Variants in RFPL2 observed in about 807,000 individuals in gnomAD.
RFPL2 encodes ret finger protein-like 2.
A neutral mutation model predicts 17.8 loss-of-function variants in RFPL2; 13 were observed. The observed-to-expected ratio is 0.73, with a 90% confidence interval of 0.47 to 1.16. The LOEUF is 1.16. Ranked by LOEUF, RFPL2 falls within the 50% of genes most tolerant of loss-of-function variation. RFPL2 has a pLI of 0.00. For missense variants in RFPL2, 431 were observed against 479.3 expected (o/e 0.90, Z 0.94); for synonymous variants, 189 against 180.9 (o/e 1.04, Z -0.36).
At chr22:32,203,232 G>T in intron 1 of RFPL2, 1 of 330,230 alleles carries the variant, frequency 3.0e-6, no homozygotes, top group Non-Finnish European at 4.3e-6. Flanking sequence ...AACCCGCTCT[G>T]TGCTGTGGGC....
rs1187143789 is a variant in RFPL2, at chr22:32,190,838, C to T, written c.1071G>A (p.Leu357=). The change falls in exon 5 of 5, where the codon TTG becomes TTA. Residue 357 remains leucine, a synonymous_variant. Transcript: ENST00000652607. ...CTGAGTTCATCAAAGGACAGATGCT[C>T]AAGACACCTTGATCACCATTAGGTG... ...SVPPNGDQGV[L]SICPLMNSGT... The T allele has an allele frequency of 6.4e-7, 1 of 1,568,994 alleles. No homozygotes were observed. Among genetic ancestry groups the T allele is most frequent in the African/African-American group, 1.4e-5 (1 of 72,276 alleles).
chr22:32,202,534 G>A lies in RFPL2; in HGVS notation c.-83C>T. 6.5e-7 allele frequency: 1 copy of A among 1,535,568 alleles called. No homozygotes were observed. The highest frequency in any genetic ancestry group is 8.8e-7 in the Non-Finnish European group (1 of 1,141,620). On this transcript the variant is annotated 5_prime_UTR_variant, in exon 2 of 5. Transcript: ENST00000652607. ...TCTCAGGGCACTGGGCATCCGGGCA[G>A]ACAAAGCCAGAAAAGCCTAGAACAG... is the stretch of plus-strand genomic sequence containing the variant.
At position 32,190,901 on chromosome 22, in the gene RFPL2, A is replaced by G; in HGVS notation, c.1008T>C (p.Ala336=). The part of the protein sequence containing the change: ...SHVYTFRSVS[A]EEPLRPFLAP... ...CCAAAAATGGGCGCAATGGCTCCTC[A>G]GCAGATACGCTCCTGAATGTATAGA... is the stretch of plus-strand genomic sequence containing the variant. The change falls in exon 5 of 5, where the codon GCT becomes GCC. Residue 336 remains alanine (A), a synonymous_variant. Transcript: ENST00000652607. The G allele has an allele frequency of 6.3e-7, 1 of 1,599,782 alleles. No homozygotes were observed. Among genetic ancestry groups the G allele is most frequent in the Middle Eastern group, 1.7e-4 (1 of 5,990 alleles).
intron 4 of RFPL2, among the ~76,000 whole-genome samples, chr22:32,192,137 ACAGT>A (rs1922724224): frequency 6.6e-6 from 1 of 152,172 alleles, no homozygotes; most frequent in African/African-American, 2.4e-5. Context: ...CAGCAGAGAG[ACAGT>A]CAGTTTTGGG....
intron 2 of RFPL2, among the ~76,000 whole-genome samples, chr22:32,201,550 G>T (rs1048543854): frequency 1.3e-5 from 2 of 152,180 alleles, no homozygotes; most frequent in Non-Finnish European, 2.9e-5. Context: ...AGGACATGGC[G>T]ATTCTCTCAG....
chr22:32,191,900 T>C (rs1469514192), intron 4 of RFPL2, among the ~76,000 whole-genome samples: 1 of 145,146 alleles, frequency 6.9e-6, no homozygotes, highest in Non-Finnish European at 1.5e-5. Context: ...TAGAGAAAAT[T>C]AATTGTCCAG....
At position 32,190,815 on chromosome 22, in the gene RFPL2, G is replaced by A. The variant is rs1322292236; in HGVS notation, c.1094C>T (p.Ser365Leu). ...GVLSICPLMN[S>L]GTTDAPVRPG... ...ACGGACTGGAGCATCAGTAGTGCCT[G>A]AGTTCATCAAAGGACAGATGCTCAA... Residue 365 changes from serine to leucine, a missense_variant, in exon 5 of 5, where the codon TCA becomes TTA. By Grantham distance (145) the Ser-to-Leu change is moderately radical (BLOSUM62 -2). Transcript: ENST00000652607. The A allele has an allele frequency of 1.3e-6, 2 of 1,547,536 alleles. No individual in the cohort carries two copies. Among genetic ancestry groups the A allele is most frequent in the Non-Finnish European group, 1.7e-6 (2 of 1,145,902 alleles).
At chr22:32,192,843 C>T in intron 4 of RFPL2, 59 bp downstream of exon 4, 1 of 1,541,524 alleles carries the variant, frequency 6.5e-7, no homozygotes, top group Non-Finnish European at 8.7e-7. Context: ...GGGCCAACTG[C>T]ACAAATGATT....
chr22:32,200,239 C>A, intron 2 of RFPL2: 1 of 298,662 alleles, frequency 3.3e-6, no homozygotes, highest in South Asian at 3.2e-5. Flanking sequence ...TCTTAGGCCC[C>A]TGACCCTCGC....
intron 1 of RFPL2, 85 bp from the exon 2 acceptor site, chr22:32,202,635 A>G (rs1924059681): frequency 5.6e-6 from 8 of 1,417,882 alleles, no homozygotes; most frequent in Non-Finnish European, 7.3e-6. Flanking sequence ...CAGCGAAGGT[A>G]CTCACACCCA....
At position 32,202,492 on chromosome 22, in the gene RFPL2, C is replaced by A; in HGVS notation, c.-41G>T. 6.4e-7 allele frequency: 1 copy of A among 1,557,514 alleles called. No individual in the cohort carries two copies. Among genetic ancestry groups the A allele is most frequent in the Non-Finnish European group, 8.7e-7 (1 of 1,150,730 alleles). ...GTGCCACAGGCTCTAGCCTCCAGCC[C>A]GTGGCATGTAGCTCCTTCTCAGGGC... is the stretch of plus-strand genomic sequence containing the variant. On this transcript the variant is annotated 5_prime_UTR_variant, in exon 2 of 5. Coordinates refer to ENST00000652607, the MANE Select transcript of RFPL2 (RefSeq NM_001394555.1).
At chr22:32,198,276 C>T (rs1341730220) in intron 2 of RFPL2, among the ~76,000 whole-genome samples, 1 of 152,130 alleles carries the variant, frequency 6.6e-6, no homozygotes, top group African/African-American at 2.4e-5. Context: ...TCCCCCTATT[C>T]CTGGGCCACA....
In RFPL2 at chr22:32,194,415, A is replaced by G; in HGVS notation, c.195T>C (p.Cys65=). ...CGCTCAGGTCTTGTGGGGAAGGGGC[A>G]CACGAGGGCCTTTTATTGGTGAGAT... The part of the protein sequence containing the change: ...GGNLTNKRPS[C]APSPQDLSAQ... Residue 65 remains cysteine, a synonymous_variant, in exon 3 of 5, where the codon TGT becomes TGC. Transcript: ENST00000652607. The G allele has an allele frequency of 6.2e-7, 1 of 1,610,580 alleles. No individual in the cohort carries two copies. The highest frequency in any genetic ancestry group is 8.5e-7 in the Non-Finnish European group (1 of 1,179,164).
At chr22:32,197,450 C>T (rs1242801732) in intron 2 of RFPL2, among the ~76,000 whole-genome samples, 1 of 151,542 alleles carries the variant, frequency 6.6e-6, no homozygotes, top group Non-Finnish European at 1.5e-5. Context: ...TTCTGGGGTG[C>T]ATGCGCACAA....
rs529359718 is a variant in RFPL2, at chr22:32,190,674, C to T, written c.*98G>A. 46 of 1,245,572 alleles carry T rather than the reference C, an allele frequency of 3.7e-5. No individual in the cohort carries two copies. In the South Asian group the frequency reaches 4.4e-4, roughly 12 times the overall value. The allele number at this position is 1,245,572 out of a possible 1,614,324, so 77.2% of individuals were successfully genotyped here. Reference sequence around the variant, plus strand: ...CAAGAAATGTCCCATATTTTTCTCCCGTGACTTTGTATAATGCTTTTACGA... The same window carrying T: ...CAAGAAATGTCCCATATTTTTCTCCTGTGACTTTGTATAATGCTTTTACGA... On this transcript the variant is annotated 3_prime_UTR_variant, in exon 5 of 5. Transcript: ENST00000652607.
chr22:32,198,338 C>T (rs939254007), intron 2 of RFPL2, among the ~76,000 whole-genome samples: 1 of 152,134 alleles, frequency 6.6e-6, no homozygotes, highest in Non-Finnish European at 1.5e-5. Flanking sequence ...TCTGCATTTC[C>T]AGATGTCCTG....
chr22:32,202,397 A>G lies in RFPL2; in HGVS notation c.55T>C (p.Cys19Arg). 6.2e-7 allele frequency: 1 copy of G among 1,605,952 alleles called. No homozygotes were observed. Residue 19 changes from cysteine to arginine, a missense_variant, in exon 2 of 5, where the codon TGT becomes CGT. Cys to Arg is a radical substitution (Grantham distance 180, BLOSUM62 -3). Transcript: ENST00000652607. ...TGGCCACACAATACAGCACATAGACAGATCCTGGATTGGGACACTGCAGTC... is the reference window on the plus strand; with the variant it reads ...TGGCCACACAATACAGCACATAGACGGATCCTGGATTGGGACACTGCAGTC... ...PETAVSQSRI[C>R]LCAVLCGHWD... is the part of the protein sequence containing the mutation.
At chr22:32,202,233 C>T in intron 2 of RFPL2, 100 bp downstream of exon 2, 1 of 1,442,936 alleles carries the variant, frequency 6.9e-7, no homozygotes, top group Non-Finnish European at 9.4e-7. Context: ...CCTCCATCCC[C>T]ACATCTCCTC....
chr22:32,194,189 G>A (rs1923063346), intron 3 of RFPL2, among the ~76,000 whole-genome samples, 156 bp downstream of exon 3: 1 of 152,194 alleles, frequency 6.6e-6, no homozygotes, highest in Non-Finnish European at 1.5e-5. Context: ...CTCCTAGACT[G>A]GGGATCCAGG....
Sources: allele counts gnomAD v4.1 joint callset (sites outside exome capture counted in the v4.1 genomes callset), GRCh38; gene constraint gnomAD v4.1.1; transcripts MANE v1.5; gene names NCBI Gene and HGNC (gene_info 2026-07-23, HGNC 2026-07-21).